Variants in REC8 observed in about 807,000 individuals in gnomAD.
The protein encoded by REC8 is REC8 meiotic recombination protein, also known as meiotic recombination protein REC8 homolog.
REC8 carries 42 observed loss-of-function variants against 78.3 expected under a neutral mutation model. The ratio of observed to expected loss-of-function variants is 0.54; its 90% CI spans 0.42 to 0.69. The LOEUF (loss-of-function observed/expected upper bound fraction) is 0.69. Among genes scored for constraint, REC8 ranks in the 30% least tolerant of loss-of-function variants. REC8 has a pLI of 0.00. For synonymous variants in REC8, 268 were observed against 274.1 expected (o/e 0.98, Z 0.22); for missense variants, 581 against 715.8 (o/e 0.81, Z 2.15).
chr14:24,174,260 AGACGT>A (rs756170945), intron 5 of REC8, among the ~76,000 whole-genome samples: 79 of 151,734 alleles, frequency 5.2e-4, no homozygotes, highest in Middle Eastern at 6.9e-3. Flanking sequence ...CTAGGATTAC[AGACGT>A]GAGCCATCGC....
intron 5 of REC8, chr14:24,175,296 G>A (rs539435274): frequency 1.1e-5 from 4 of 355,052 alleles, no homozygotes; most frequent in Non-Finnish European, 1.6e-5. Flanking sequence ...ATGAGCCACC[G>A]AGCCCGGCCT....
Position 24,178,910 on chromosome 14 carries a change from G to C in REC8, c.1197G>C (p.Glu399Asp). Residue 399 changes from glutamate to aspartate, a missense_variant, in exon 14 of 19, where the codon GAG (glutamate) becomes GAC (aspartate). Physicochemically the swap from Glu to Asp is conservative, Grantham distance 45. Transcript: ENST00000611366. ...GGAGAAAGATTGAAGTTCCAAGTGAGATTGAGGTAACTGCACCACCTGTTT... is the reference window on the plus strand; with the variant it reads ...GGAGAAAGATTGAAGTTCCAAGTGACATTGAGGTAACTGCACCACCTGTTT... ...EERRKIEVPSEIEVPREALEP... is the reference protein window; with the variant it reads ...EERRKIEVPSDIEVPREALEP... 6.2e-7 allele frequency: 1 copy of C among 1,613,212 alleles called. No homozygotes were observed. Among genetic ancestry groups the C allele is most frequent in the African/African-American group, 1.3e-5 (1 of 75,030 alleles).
In REC8 at chr14:24,178,800, C is replaced by T. The variant is rs2039023114; in HGVS notation, c.1087C>T (p.Leu363=). 2 of 1,613,300 alleles carry T rather than the reference C, an allele frequency of 1.2e-6. No homozygotes were observed. Among genetic ancestry groups the T allele is most frequent in the Admixed American group, 1.7e-5 (1 of 59,958 alleles). The stretch of plus-strand genomic sequence containing the variant: ...AGCTGGCTGGCTACCCCCTGAACTA[C>T]TGGGTCTCTGGACCCATTGTGCCCA... ...TLSGWLPPEL[L]GLWTHCAQPP... Residue 363 remains leucine (L), a synonymous_variant, in exon 14 of 19, where the codon CTG becomes TTG. Transcript: ENST00000611366.
Position 24,172,935 on chromosome 14 carries a change from ACC to A in REC8, c.166_167del (p.Pro56AlafsTer57). 6.2e-7 allele frequency: 1 copy of A among 1,610,650 alleles called. No individual in the cohort carries two copies. The highest frequency in any genetic ancestry group is 8.5e-7 in the Non-Finnish European group (1 of 1,179,932). On this transcript the variant is annotated frameshift_variant, in exon 3 of 19. Transcript: ENST00000611366. LOFTEE classifies it high-confidence loss of function. ...TCAATTACGTGCTGGTACGAGTGCA[ACC>A]CCCGCAGCCCGGCCTGCCGCGGCCC... ...ILNYVLVRVQ[P>X]PQPGLPRPRF...
At position 24,173,184 on chromosome 14, in the gene REC8, T is replaced by C. The variant is rs371730396; in HGVS notation, c.327T>C (p.Asp109=). Residue 109 remains aspartate (D), a synonymous_variant, in exon 4 of 19, where the codon GAT becomes GAC. Transcript: ENST00000611366. ...LHRAQLQIRI[D]METELPSLLL... ...GTGCCCAGCTGCAGATCCGAATAGATATGGAGACTGAGCTGTGAGTGTGCC... is the reference window on the plus strand; with the variant it reads ...GTGCCCAGCTGCAGATCCGAATAGACATGGAGACTGAGCTGTGAGTGTGCC... The C allele has an allele frequency of 1.8e-5, 29 of 1,614,032 alleles. No individual in the cohort carries two copies. The highest frequency in any genetic ancestry group is 3.3e-5 in the Admixed American group (2 of 59,998).
At chr14:24,175,202 C>T in intron 5 of REC8, 1 of 176,066 alleles carries the variant, frequency 5.7e-6, no homozygotes, top group South Asian at 1.4e-4. Flanking sequence ...AATCAGGTTT[C>T]ACGATGTTGG....
In REC8 at chr14:24,180,161, C is replaced by G. The variant is rs770387502; in HGVS notation, c.*66C>G. On this transcript the variant is annotated 3_prime_UTR_variant, in exon 19 of 19. Coordinates refer to ENST00000611366, the MANE Select transcript of REC8 (RefSeq NM_001048205.2). ...TTCTAGTAAACCACGTCGTGCCTCACTGGGTCCTGCTTACCTCATTTCTGA... is the reference window on the plus strand; with the variant it reads ...TTCTAGTAAACCACGTCGTGCCTCAGTGGGTCCTGCTTACCTCATTTCTGA... 7.4e-6 allele frequency: 12 copies of G among 1,613,922 alleles called. No individual in the cohort carries two copies. The highest frequency in any genetic ancestry group is 8.5e-6 in the Non-Finnish European group (10 of 1,179,952).
At chr14:24,178,320 G>A (rs372784564) in intron 12 of REC8, 98 bp downstream of exon 12, 1 of 1,088,376 alleles carries the variant, frequency 9.2e-7, no homozygotes, top group East Asian at 2.4e-5. Flanking sequence ...GTGGGTGGGG[G>A]GAGGATTGGG....
chr14:24,175,485 T>C (rs1162298691), intron 5 of REC8, 58 bp from the exon 6 acceptor site: 7 of 1,344,720 alleles, frequency 5.2e-6, no homozygotes, highest in South Asian at 1.2e-5. Flanking sequence ...CTGTGAAAAG[T>C]GGGAAAGCAG....
At chr14:24,177,055 G>A (rs1594418441) in intron 7 of REC8, 86 bp from the exon 8 acceptor site, 1 of 1,420,838 alleles carries the variant, frequency 7.0e-7, no homozygotes, top group Non-Finnish European at 9.9e-7. Context: ...CCTGTGGCAT[G>A]CCTCTGGGAT....
In REC8 at chr14:24,172,589, G is replaced by C. The variant is rs1296813328; in HGVS notation, c.37G>C (p.Gly13Arg). The C allele has an allele frequency of 6.2e-7, 1 of 1,613,298 alleles. No homozygotes were observed. Among genetic ancestry groups the C allele is most frequent in the Non-Finnish European group, 8.5e-7 (1 of 1,179,424 alleles). Residue 13 changes from glycine (G) to arginine (R), a missense_variant, in exon 1 of 19, where the codon GGC becomes CGC. By Grantham distance (125) the Gly-to-Arg change is moderately radical (BLOSUM62 -2). Transcript: ENST00000611366. ...YYPNVLQRHT[G>R]CFATIWLAAT... is the part of the protein sequence containing the mutation. ...TCCCAACGTGCTTCAGCGCCACACC[G>C]GCTGCTTTGCCACCATCTGGTAAGG...
chr14:24,177,667 G>GT (rs1291364458), intron 10 of REC8, 42 bp from the exon 11 acceptor site: 2 of 1,598,020 alleles, frequency 1.3e-6, no homozygotes, highest in Middle Eastern at 1.7e-4. Flanking sequence ...TCTGCAAGGG[G>GT]TAAGGGGCTT....
chr14:24,177,325 C>T (rs1438513819), intron 8 of REC8, 28 bp from the exon 9 acceptor site: 13 of 1,614,050 alleles, frequency 8.1e-6, no homozygotes, highest in Admixed American at 1.7e-5. Flanking sequence ...CTTTTTCTGT[C>T]CTCTGAACTC....
chr14:24,177,978 C>T, intron 11 of REC8, 113 bp from the exon 12 acceptor site: 1 of 1,522,110 alleles, frequency 6.6e-7, no homozygotes, highest in Non-Finnish European at 8.8e-7. Context: ...CCCGCACAAG[C>T]CCTCTCCAGG....
Position 24,177,696 on chromosome 14 carries a change from G to T in REC8, c.815-13G>T, listed in dbSNP as rs201242615. 816 of 1,608,528 alleles carry T rather than the reference G, an allele frequency of 5.1e-4. 8 individuals carry two copies. Among genetic ancestry groups the T allele is most frequent in the Admixed American group, 1.9e-4 (11 of 58,712 alleles). On this transcript the variant is annotated splice_polypyrimidine_tract_variant and intron_variant, in intron 10 of 18. Coordinates refer to ENST00000611366, the MANE Select transcript of REC8 (RefSeq NM_001048205.2). ...GGGGCTTATGGGACAGAGCCCCTTGGGTGTTGTTGCAGAGGTGACCCCCCC... is the reference window on the plus strand; with the variant it reads ...GGGGCTTATGGGACAGAGCCCCTTGTGTGTTGTTGCAGAGGTGACCCCCCC...
At chr14:24,176,960 TC>T in intron 7 of REC8, 59 bp downstream of exon 7, 2 of 1,444,198 alleles carry the variant, frequency 1.4e-6, no homozygotes, top group Non-Finnish European at 9.7e-7. Flanking sequence ...CTTCTCTCTG[TC>T]CCCAGAGTCC....
chr14:24,177,710 G>A lies in REC8; in HGVS notation c.816G>A (p.Glu272=), dbSNP rs1291080082. The stretch of plus-strand genomic sequence containing the variant: ...AGAGCCCCTTGGGTGTTGTTGCAGA[G>A]GTGACCCCCCCGGAGGAGCTGCGTC... ...TGWEPGALLM[E]VTPPEELRLP... The change falls in exon 11 of 19, where the codon GAG becomes GAA. Residue 272 remains glutamate, a splice_region_variant and synonymous_variant. Coordinates refer to ENST00000611366, the MANE Select transcript of REC8 (RefSeq NM_001048205.2). 1 of 1,610,438 alleles carries A rather than the reference G, an allele frequency of 6.2e-7. No homozygotes were observed.
intron 5 of REC8, 152 bp downstream of exon 5, chr14:24,173,563 A>T: frequency 6.9e-7 from 1 of 1,451,604 alleles, no homozygotes; most frequent in Non-Finnish European, 9.2e-7. Flanking sequence ...GGACCCATCC[A>T]GGCGAAGCCC....
At chr14:24,180,412 A>G (rs1252382934), downstream of REC8, 2 of 1,596,420 alleles carry the variant, frequency 1.3e-6, no homozygotes, top group South Asian at 1.1e-5. Context: ...GGCAGGCTCT[A>G]TTCTCTCTGG....
Sources: allele counts gnomAD v4.1 joint callset (sites outside exome capture counted in the v4.1 genomes callset), GRCh38; gene constraint gnomAD v4.1.1; transcripts MANE v1.5; gene names NCBI Gene and HGNC (gene_info 2026-07-23, HGNC 2026-07-21).